PBX1: variants seen among roughly 807,000 people sequenced by gnomAD.
PBX1 encodes the protein pre-B-cell leukemia transcription factor 1.
In PBX1, 6 loss-of-function variants were observed where a neutral mutation model predicts 53.4. The observed-to-expected ratio is 0.11, with a 90% CI of 0.06 to 0.22. PBX1 has a LOEUF of 0.22. Among genes scored for constraint, PBX1 ranks in the 10% least tolerant of loss-of-function variants. The pLI is 1.00. For missense variants in PBX1, 251 were observed against 551.4 expected, an observed-to-expected ratio of 0.46 and a Z score of 5.46; for synonymous variants, 204 against 212.3, an observed-to-expected ratio of 0.96 and a Z score of 0.34.
At chr1:164,702,786 T>C (rs1377181559) in intron 2 of PBX1, among the ~76,000 whole-genome samples, 3 of 152,220 alleles carry the variant, frequency 2.0e-5, no homozygotes, top group African/African-American at 7.2e-5. Flanking sequence ...TAAGTGTCTA[T>C]AGGATGAGGA....
intron 2 of PBX1, among the ~76,000 whole-genome samples, chr1:164,667,288 CT>C (rs1660859412): frequency 1.3e-5 from 2 of 151,912 alleles, no homozygotes; most frequent in Admixed American, 6.6e-5. Context: ...ATGCAAGGAC[CT>C]TTTTAGCTAA....
At position 164,848,248 on chromosome 1, in the gene PBX1, A is replaced by C; in HGVS notation, c.*1572A>C. 1 of 1,054,362 alleles carries C rather than the reference A, an allele frequency of 9.5e-7. No individual in the cohort carries two copies. The highest frequency in any genetic ancestry group is 4.6e-5 in the South Asian group (1 of 21,878). The allele number at this position is 1,054,362 out of a possible 1,614,324, so 65.3% of individuals were successfully genotyped here. A position where few individuals can be genotyped will look rare whatever the true frequency, so the allele number is the denominator to read the frequency against. On this transcript the variant is annotated 3_prime_UTR_variant, in exon 9 of 9. Transcript: ENST00000420696. Reference sequence around the variant, plus strand: ...TATATGAAAGCTATTCTCAAAAGTCACCTGAGCTCACCATCTTCATAGCCA... The same window carrying C: ...TATATGAAAGCTATTCTCAAAAGTCCCCTGAGCTCACCATCTTCATAGCCA...
At chr1:164,844,175 TA>T (rs1164729318) in intron 8 of PBX1, among the ~76,000 whole-genome samples, 115 of 148,880 alleles carry the variant, frequency 7.7e-4, no homozygotes, top group African/African-American at 2.4e-3. Context: ...CTTAAAAACT[TA>T]AAAAAAAAGT....
At chr1:164,593,782 C>T (rs1404925463) in intron 2 of PBX1, among the ~76,000 whole-genome samples, 2 of 152,194 alleles carry the variant, frequency 1.3e-5, no homozygotes, top group Non-Finnish European at 2.9e-5. Flanking sequence ...GCTTTTCACA[C>T]ATAATGCAGG....
chr1:164,743,866 T>A (rs1240392869), intron 2 of PBX1, among the ~76,000 whole-genome samples: 1 of 152,156 alleles, frequency 6.6e-6, no homozygotes, highest in Non-Finnish European at 1.5e-5. Context: ...CTTACATATA[T>A]GTACAGTTAT....
chr1:164,688,843 T>C (rs910532838), intron 2 of PBX1, among the ~76,000 whole-genome samples: 1 of 152,254 alleles, frequency 6.6e-6, no homozygotes, highest in Non-Finnish European at 1.5e-5. Context: ...CAGCCTTTCA[T>C]GGAAACTGCT....
chr1:164,697,798 C>T (rs956689860), intron 2 of PBX1, among the ~76,000 whole-genome samples: 6 of 152,166 alleles, frequency 3.9e-5, no homozygotes, highest in South Asian at 2.1e-4. Context: ...TTGTGGTCTT[C>T]ACATCACCTC....
intron 5 of PBX1, among the ~76,000 whole-genome samples, chr1:164,809,698 C>A (rs74118211): frequency 0.022 from 3,330 of 152,212 alleles, 128 homozygotes; most frequent in African/African-American, 0.076. Flanking sequence ...GTCACAAATT[C>A]TTTTGAAATC....
intron 2 of PBX1, 55 bp downstream of exon 2, chr1:164,563,366 A>C: frequency 9.2e-7 from 1 of 1,092,204 alleles, no homozygotes; most frequent in Admixed American, 1.8e-5. Flanking sequence ...AAATCACTTA[A>C]CCAGCAGTCA....
chr1:164,844,959 G>C (rs1418013432), intron 8 of PBX1, among the ~76,000 whole-genome samples: 1 of 152,218 alleles, frequency 6.6e-6, no homozygotes, highest in East Asian at 1.9e-4. Context: ...GGAGTGACTT[G>C]ACTGGGTTAG....
At chr1:164,833,332 A>G (rs532011582) in intron 8 of PBX1, among the ~76,000 whole-genome samples, 1 of 152,316 alleles carries the variant, frequency 6.6e-6, no homozygotes, top group African/African-American at 2.4e-5. Context: ...ACTTTTCTTC[A>G]GATCACAGGT....
chr1:164,696,119 A>C (rs1417363408), intron 2 of PBX1, among the ~76,000 whole-genome samples: 2 of 152,208 alleles, frequency 1.3e-5, no homozygotes, highest in Admixed American at 1.3e-4. Flanking sequence ...TTCTGAAATT[A>C]GATTGAAGGA....
intron 4 of PBX1, among the ~76,000 whole-genome samples, chr1:164,806,619 A>G (rs1669366384): frequency 6.6e-6 from 1 of 152,240 alleles, no homozygotes; most frequent in African/African-American, 2.4e-5. Flanking sequence ...TGTAGTGGTC[A>G]GACCTGAATT....
At chr1:164,604,184 G>A (rs1033101496) in intron 2 of PBX1, among the ~76,000 whole-genome samples, 2 of 151,872 alleles carry the variant, frequency 1.3e-5, no homozygotes, top group Non-Finnish European at 2.9e-5. Flanking sequence ...CAGGCAATCC[G>A]CCTGCCTCAG....
intron 2 of PBX1, among the ~76,000 whole-genome samples, chr1:164,659,240 C>T (rs1266494799): frequency 2.6e-5 from 4 of 152,170 alleles, no homozygotes; most frequent in Non-Finnish European, 4.4e-5. Flanking sequence ...AGATATACAT[C>T]GATTCACATC....
intron 1 of PBX1, among the ~76,000 whole-genome samples, chr1:164,562,452 TACACACACACACAC>T (rs6143458): frequency 3.0e-4 from 43 of 143,394 alleles, no homozygotes; most frequent in Middle Eastern, 3.6e-3. Context: ...GCATTCAGAA[TACACACACACACAC>T]ACACACACAC....
At chr1:164,777,957 T>G (rs1270338903) in intron 2 of PBX1, among the ~76,000 whole-genome samples, 1 of 152,234 alleles carries the variant, frequency 6.6e-6, no homozygotes, top group East Asian at 1.9e-4. Context: ...TATATATACC[T>G]TTGACAACCT....
chr1:164,780,812 C>T lies in PBX1; in HGVS notation c.266-11682C>T, dbSNP rs529985643. On this transcript the variant is annotated intron_variant, in intron 2 of 8. Coordinates refer to ENST00000420696, the MANE Select transcript of PBX1 (RefSeq NM_002585.4). ...TCTGGAGCTCATAATCTCAGTCGCC[C>T]TTACCCCATTCCACTGTCACAACTA... 3.3e-5 allele frequency among the ~76,000 whole-genome samples: 5 copies of T among 152,272 alleles called. No homozygotes were observed. In the East Asian group the frequency reaches 9.6e-4, roughly 29 times the overall value.
At chr1:164,616,873 A>G (rs553985889) in intron 2 of PBX1, among the ~76,000 whole-genome samples, 1 of 152,296 alleles carries the variant, frequency 6.6e-6, no homozygotes, top group South Asian at 2.1e-4. Context: ...GAGAAATGGA[A>G]TATGTTTATT....
Sources: gnomAD v4.1 joint callset for allele counts (sites outside exome capture counted in the v4.1 genomes callset) on GRCh38, gnomAD v4.1.1 for gene constraint, MANE v1.5 for transcripts, NCBI Gene and HGNC (gene_info 2026-07-23, HGNC 2026-07-21) for gene names.